The following RGS6 variants were observed in gnomAD, a reference collection of about 807,000 sequenced individuals.
RGS6 encodes regulator of G protein signaling 6.
In RGS6, 30 loss-of-function variants were observed where a neutral mutation model predicts 78.5. The ratio of observed to expected loss-of-function variants is 0.38; its 90% CI spans 0.29 to 0.52. RGS6 has a LOEUF of 0.52. RGS6 is among the 20% of genes least tolerant of loss of function. The pLI is 0.85. For synonymous variants in RGS6, 206 were observed against 206.0 expected (o/e 1.00, Z 0.00); for missense variants, 495 against 609.7 (o/e 0.81, Z 1.98).
intron 2 of RGS6, among the ~76,000 whole-genome samples, chr14:72,131,059 G>T (rs1454946974): frequency 6.6e-6 from 1 of 152,196 alleles, no homozygotes; most frequent in African/African-American, 2.4e-5. Context: ...CTCCATCGTT[G>T]CCTTGCCCAT....
intron 2 of RGS6, among the ~76,000 whole-genome samples, chr14:72,248,285 A>T (rs914225945): frequency 1.3e-5 from 2 of 152,218 alleles, no homozygotes; most frequent in African/African-American, 4.8e-5. Flanking sequence ...ATGAGAAGCC[A>T]GCTGTGGTCC....
chr14:71,918,868 A>G, the RGS6 span, among the ~76,000 whole-genome samples: 2 of 152,228 alleles, frequency 1.3e-5, no homozygotes, highest in Non-Finnish European at 1.5e-5. Context: ...CTTCTAAGAT[A>G]TACATTAAAA....
intron 2 of RGS6, among the ~76,000 whole-genome samples, chr14:72,267,157 G>A (rs1468886628): frequency 6.6e-6 from 1 of 152,088 alleles, no homozygotes; most frequent in Non-Finnish European, 1.5e-5. Flanking sequence ...CACCATGTTG[G>A]CCAGGCTGGT....
chr14:72,215,375 CCT>C (rs2045317911), intron 2 of RGS6, among the ~76,000 whole-genome samples: 1 of 152,142 alleles, frequency 6.6e-6, no homozygotes, highest in Admixed American at 6.5e-5. Flanking sequence ...TCTGTTTCTC[CCT>C]GTTAGAAATG....
chr14:72,428,779 A>G (rs1345153150), intron 3 of RGS6, among the ~76,000 whole-genome samples: 1 of 152,212 alleles, frequency 6.6e-6, no homozygotes, highest in Non-Finnish European at 1.5e-5. Flanking sequence ...AAATATAGAT[A>G]GTGATGCTGT....
chr14:71,947,502 C>T lies in RGS6; in HGVS notation c.-21+14561C>T, dbSNP rs561552708. 4.6e-5 allele frequency among the ~76,000 whole-genome samples: 7 copies of T among 152,092 alleles called. No individual in the cohort carries two copies. In the South Asian group the frequency reaches 6.2e-4, roughly 14 times the overall value. On this transcript the variant is annotated intron_variant, in intron 1 of 17. Coordinates refer to ENST00000553525, the MANE Select transcript of RGS6 (RefSeq NM_001204424.2). The stretch of plus-strand genomic sequence containing the variant: ...CAAGAGTCTTTTTTGTTGTTGTTTT[C>T]GAGACAGGGTCTCACTCTGTTGCCC...
intron 2 of RGS6, among the ~76,000 whole-genome samples, chr14:72,031,437 A>G (rs1482146914): frequency 6.6e-6 from 1 of 152,214 alleles, no homozygotes; most frequent in Non-Finnish European, 1.5e-5. Context: ...ACTATTTAAT[A>G]TAATTGACAT....
chr14:72,187,649 AAG>A (rs1183107816), intron 2 of RGS6, among the ~76,000 whole-genome samples: 5 of 152,152 alleles, frequency 3.3e-5, no homozygotes, highest in African/African-American at 1.2e-4. Context: ...TGGAAAAAAA[AAG>A]AGCCTAACAC....
intron 2 of RGS6, among the ~76,000 whole-genome samples, chr14:72,310,825 A>G (rs1195364785): frequency 1.3e-5 from 2 of 152,232 alleles, no homozygotes; most frequent in African/African-American, 4.8e-5. Context: ...AGACCCTTCC[A>G]GGGACCCATG....
chr14:72,215,568 C>A (rs1956929930), intron 2 of RGS6, among the ~76,000 whole-genome samples: 1 of 152,182 alleles, frequency 6.6e-6, no homozygotes, highest in South Asian at 2.1e-4. Flanking sequence ...TGCTGTGTCC[C>A]GTTTCCATTG....
At chr14:72,628,372 G>A in the RGS6 span, among the ~76,000 whole-genome samples, 1 of 142,836 alleles carries the variant, frequency 7.0e-6, no homozygotes, top group Non-Finnish European at 1.6e-5. Context: ...AAAGAATCAA[G>A]CATTTTTTTC....
chr14:72,183,254 A>G (rs1436462656), intron 2 of RGS6, among the ~76,000 whole-genome samples: 1 of 152,246 alleles, frequency 6.6e-6, no homozygotes, highest in Non-Finnish European at 1.5e-5. Flanking sequence ...CCATCTGCTT[A>G]GGTAATTGCA....
Position 72,114,417 on chromosome 14 carries a change from C to G in RGS6, c.84+149542C>G, listed in dbSNP as rs746327599. Among the ~76,000 whole-genome samples, 8 of 152,264 alleles carry G rather than the reference C, an allele frequency of 5.3e-5. No individual in the cohort carries two copies. In the South Asian group the frequency reaches 6.2e-4, roughly 12 times the overall value. On this transcript the variant is annotated intron_variant, in intron 2 of 17. Coordinates refer to ENST00000553525, the MANE Select transcript of RGS6 (RefSeq NM_001204424.2). Reference sequence around the variant, plus strand: ...CCATTCCTAGGACAATCATTAAAACCTATGGTAGTTGATAATTTCTGACCC... The same window carrying G: ...CCATTCCTAGGACAATCATTAAAACGTATGGTAGTTGATAATTTCTGACCC...
At chr14:72,552,417 A>C (rs985862214) in intron 17 of RGS6, among the ~76,000 whole-genome samples, 1 of 152,154 alleles carries the variant, frequency 6.6e-6, no homozygotes, top group Non-Finnish European at 1.5e-5. Flanking sequence ...CACCAGGCAA[A>C]TGGTGCACGT....
At chr14:72,423,107 G>A (rs964265853) in intron 3 of RGS6, among the ~76,000 whole-genome samples, 1 of 152,240 alleles carries the variant, frequency 6.6e-6, no homozygotes, top group Non-Finnish European at 1.5e-5. Context: ...GTGGGAGGTA[G>A]TTTAGAAAAG....
the RGS6 span, among the ~76,000 whole-genome samples, chr14:72,592,658 G>A: frequency 6.6e-6 from 1 of 152,350 alleles, no homozygotes; most frequent in Non-Finnish European, 1.5e-5. Context: ...AATTATTGAT[G>A]TGCTGTGGGC....
rs148959215 is a variant in RGS6, at chr14:72,449,744, C to T, written c.185-4784C>T. On this transcript the variant is annotated intron_variant, in intron 3 of 17. Coordinates refer to ENST00000553525, the MANE Select transcript of RGS6 (RefSeq NM_001204424.2). ...AGCCCTGTCAGAGTCTATAAAGGGT[C>T]GCTCTGAGGCTCCAGGAGTGGCAGA... Among the ~76,000 whole-genome samples the T allele has an allele frequency of 3.6e-3, 554 of 152,290 alleles. 5 individuals carry two copies. Among genetic ancestry groups the T allele is most frequent in the African/African-American group, 0.012 (515 of 41,560 alleles).
At position 72,160,270 on chromosome 14, in the gene RGS6, A is replaced by C. The variant is rs545617489; in HGVS notation, c.85-191825A>C. ...TTTAACAAATCCAGTGTGCTTTTTG[A>C]AGGCAGAACTACAATTACTTCTTTT... On this transcript the variant is annotated intron_variant, in intron 2 of 17. Coordinates refer to ENST00000553525, the MANE Select transcript of RGS6 (RefSeq NM_001204424.2). Among the ~76,000 whole-genome samples, 4 of 152,338 alleles carry C rather than the reference A, an allele frequency of 2.6e-5. No individual in the cohort carries two copies. In the South Asian group the frequency reaches 8.3e-4, roughly 32 times the overall value.
intron 2 of RGS6, among the ~76,000 whole-genome samples, chr14:72,252,454 T>G (rs2056046595): frequency 6.6e-6 from 1 of 152,200 alleles, no homozygotes; most frequent in African/African-American, 2.4e-5. Flanking sequence ...CTGATCCCAT[T>G]ATATCTATCT....
Sources: gnomAD v4.1 joint callset for allele counts (sites outside exome capture counted in the v4.1 genomes callset) on GRCh38, gnomAD v4.1.1 for gene constraint, MANE v1.5 for transcripts, NCBI Gene and HGNC (gene_info 2026-07-23, HGNC 2026-07-21) for gene names.